OR51B5: variants seen among roughly 807,000 people sequenced by gnomAD.
OR51B5 encodes the protein olfactory receptor family 51 subfamily B member 5.
For missense variants in OR51B5, 456 were observed against 374.6 expected (o/e 1.22, Z -1.79); for synonymous variants, 186 against 144.8 (o/e 1.28, Z -2.04).
In OR51B5 at chr11:5,375,797, C is replaced by T. The variant is rs1849517432; in HGVS notation, n.85-28887G>A. ...ATATATGCACCCAATACAGGAGCAC[C>T]CAGATTCATAAAGCAAGTCCTTAGA... On this transcript the variant is annotated intron_variant and non_coding_transcript_variant, in intron 1 of 4. Transcript: ENST00000415970. Among the ~76,000 whole-genome samples the T allele has an allele frequency of 4.6e-5, 7 of 152,048 alleles. No homozygotes were observed. In the South Asian group the frequency reaches 1.5e-3, roughly 32 times the overall value.
At chr11:5,422,393 C>T in intron 1 of OR51B5, 4 of 1,614,176 alleles carry the variant, frequency 2.5e-6, no homozygotes, top group African/African-American at 1.3e-5. Flanking sequence ...GTATCTGTTT[C>T]TCTCCATGCT....
intron 1 of OR51B5, chr11:5,455,603 G>GAAAA (rs1482582000): frequency 1.5e-3 from 208 of 136,144 alleles, no homozygotes; most frequent in African/African-American, 5.2e-3. Context: ...AAGAGAAAAA[G>GAAAA]AGAAAGAGAA....
At chr11:5,476,966 A>G (rs1393657106) in intron 1 of OR51B5, among the ~76,000 whole-genome samples, 4 of 152,248 alleles carry the variant, frequency 2.6e-5, no homozygotes, top group African/African-American at 4.8e-5. Flanking sequence ...TACAAGATGA[A>G]TAAGTCCTAA....
chr11:5,412,749 G>A (rs534207896), intron 1 of OR51B5, among the ~76,000 whole-genome samples: 34 of 152,188 alleles, frequency 2.2e-4, no homozygotes, highest in African/African-American at 5.5e-4. Flanking sequence ...AGGGGCACCC[G>A]CCATTGCCCA....
intron 1 of OR51B5, among the ~76,000 whole-genome samples, chr11:5,474,643 T>C (rs1851278119): frequency 6.6e-6 from 1 of 152,214 alleles, no homozygotes; most frequent in Non-Finnish European, 1.5e-5. Flanking sequence ...TGTTTACTAT[T>C]CAAGTTGACA....
chr11:5,370,149 A>C (rs1849427146), intron 1 of OR51B5, among the ~76,000 whole-genome samples: 1 of 152,206 alleles, frequency 6.6e-6, no homozygotes, highest in Non-Finnish European at 1.5e-5. Flanking sequence ...GCTAGAGGCT[A>C]CCAAGTTGTA....
chr11:5,453,953 C>G, intron 1 of OR51B5: 1 of 1,614,106 alleles, frequency 6.2e-7, no homozygotes, highest in South Asian at 1.1e-5. Flanking sequence ...GCTTCATCAC[C>G]CTTTTCCCTC....
intron 1 of OR51B5, among the ~76,000 whole-genome samples, chr11:5,450,803 A>T (rs1182834474): frequency 3.3e-5 from 5 of 152,190 alleles, no homozygotes; most frequent in Admixed American, 1.3e-4. Flanking sequence ...CCCGCTTATG[A>T]GTGAGAGCAT....
intron 1 of OR51B5, among the ~76,000 whole-genome samples, chr11:5,472,465 T>A (rs10838169): frequency 0.26 from 39,377 of 151,930 alleles, 6,398 homozygotes; most frequent in Non-Finnish European, 0.36. Flanking sequence ...CTGCACACAC[T>A]GCACACAGCC....
At chr11:5,502,214 G>GTAA (rs149121246) in intron 1 of OR51B5, among the ~76,000 whole-genome samples, 42,027 of 151,882 alleles carry the variant, frequency 0.28, 7,075 homozygotes, top group Non-Finnish European at 0.38. Context: ...CATTCTCTGT[G>GTAA]TAAGTTGAGA....
intron 1 of OR51B5, among the ~76,000 whole-genome samples, chr11:5,363,272 C>G (rs1367064634): frequency 5.8e-5 from 3 of 51,660 alleles, no homozygotes; most frequent in Non-Finnish European, 1.5e-4. Context: ...CACACACACA[C>G]ACACACACAC....
At chr11:5,384,893 T>C (rs4910780) in intron 1 of OR51B5, among the ~76,000 whole-genome samples, 21,972 of 152,168 alleles carry the variant, frequency 0.14, 1,885 homozygotes, top group Non-Finnish European at 0.19. Flanking sequence ...ACTGTGGAAA[T>C]GTTCTCTAGG....
chr11:5,351,476 G>C (rs1849085086), intron 1 of OR51B5: 1 of 1,542,672 alleles, frequency 6.5e-7, no homozygotes, highest in South Asian at 1.2e-5. Context: ...GCTTTACCTG[G>C]AGTAAATATT....
intron 1 of OR51B5, among the ~76,000 whole-genome samples, chr11:5,389,167 C>T (rs1036726242): frequency 6.6e-6 from 1 of 151,986 alleles, no homozygotes; most frequent in Non-Finnish European, 1.5e-5. Flanking sequence ...GGCACACCAG[C>T]AAAGAGGCAG....
At chr11:5,360,472 A>C (rs1345339209) in intron 1 of OR51B5, among the ~76,000 whole-genome samples, 1 of 150,974 alleles carries the variant, frequency 6.6e-6, no homozygotes, top group East Asian at 1.9e-4. Flanking sequence ...AATGGCGATC[A>C]TTAAAAAGTC....
intron 1 of OR51B5, among the ~76,000 whole-genome samples, chr11:5,408,073 C>G: frequency 6.8e-6 from 1 of 148,084 alleles, no homozygotes; most frequent in East Asian, 2.0e-4. Flanking sequence ...CTGACCGTCC[C>G]TGAAGCTACA....
chr11:5,389,326 G>A lies in OR51B5; in HGVS notation n.85-42416C>T, dbSNP rs541413352. ...TGATGACCATGGTACTGCTTGTGAT[G>A]TTGTGAATGTTAGTGAAGCTGAAGA... On this transcript the variant is annotated intron_variant and non_coding_transcript_variant, in intron 1 of 4. Coordinates refer to the OR51B5 transcript ENST00000415970. The A allele has an allele frequency of 2.8e-5, 39 of 1,411,184 alleles. 1 individual carries two copies. The South Asian group carries it at 4.6e-4, about 17-fold the overall frequency. 87.4% of individuals were successfully genotyped at this position (1,411,184 alleles called of 1,614,324 possible). A position where few individuals can be genotyped will look rare whatever the true frequency, so the allele number is the denominator to read the frequency against.
At chr11:5,451,750 G>C (rs1246575574) in intron 1 of OR51B5, among the ~76,000 whole-genome samples, 1 of 152,144 alleles carries the variant, frequency 6.6e-6, no homozygotes, top group African/African-American at 2.4e-5. Flanking sequence ...GTCCGGTCTT[G>C]CTTTGTTAGA....
At chr11:5,353,802 T>C (rs1239771428) in intron 1 of OR51B5, among the ~76,000 whole-genome samples, 1 of 152,248 alleles carries the variant, frequency 6.6e-6, no homozygotes, top group Non-Finnish European at 1.5e-5. Flanking sequence ...GCTGCCCACC[T>C]ACTCTTCATC....
Sources: allele counts gnomAD v4.1 joint callset (sites outside exome capture counted in the v4.1 genomes callset), GRCh38; gene constraint gnomAD v4.1.1; transcripts MANE v1.5; gene names NCBI Gene and HGNC (gene_info 2026-07-23, HGNC 2026-07-21).